Variants in ETV5 observed in about 807,000 individuals in gnomAD.
ETV5 encodes ETS variant transcription factor 5.
A neutral mutation model predicts 70.0 loss-of-function variants in ETV5; 10 were observed. The observed-to-expected ratio is 0.14, with a 90% confidence interval of 0.09 to 0.24. The LOEUF (loss-of-function observed/expected upper bound fraction) is 0.24. Ranked by LOEUF, ETV5 falls within the 10% of genes least tolerant of loss-of-function variation. The pLI is 1.00. For synonymous variants in ETV5, 216 were observed against 242.2 expected (o/e 0.89, Z 1.01); for missense variants, 453 against 651.2 (o/e 0.70, Z 3.31).
Position 186,105,946 on chromosome 3 carries a change from T to C in ETV5, c.-74-4A>G, listed in dbSNP as rs756826786. ...TTCTGGGGGAAAAGGGATCCTCCTG[T>C]AATATGAATTTGGGAGATTTTAACT... On this transcript the variant is annotated splice_polypyrimidine_tract_variant and splice_region_variant and intron_variant, in intron 1 of 12. Coordinates refer to ENST00000306376, the MANE Select transcript of ETV5 (RefSeq NM_004454.3). The surrounding 1 kb of genome is among the most constrained non-coding windows in gnomAD (Gnocchi z 4.5). The C allele has an allele frequency of 1.2e-5, 19 of 1,559,862 alleles. No individual in the cohort carries two copies. Among genetic ancestry groups the C allele is most frequent in the Non-Finnish European group, 1.7e-5 (19 of 1,144,162 alleles).
intron 5 of ETV5, among the ~76,000 whole-genome samples, chr3:186,086,636 G>A (rs919097881): frequency 1.6e-4 from 25 of 152,030 alleles, no homozygotes; most frequent in Non-Finnish European, 4.4e-5. Flanking sequence ...AAATAGCTAG[G>A]AAAGTGTCAA....
intron 5 of ETV5, among the ~76,000 whole-genome samples, chr3:186,089,700 C>A (rs1714137534): frequency 6.6e-6 from 1 of 152,126 alleles, no homozygotes; most frequent in South Asian, 2.1e-4. Flanking sequence ...CAGCGACTGG[C>A]CAAGACTTCA....
chr3:186,090,849 G>A (rs375058386), intron 5 of ETV5, among the ~76,000 whole-genome samples: 1 of 152,232 alleles, frequency 6.6e-6, no homozygotes, highest in Non-Finnish European at 1.5e-5. Flanking sequence ...GGTGGCCTAT[G>A]CTTTCGCTGC....
chr3:186,062,052 A>C (rs113152772), intron 9 of ETV5, among the ~76,000 whole-genome samples: 16 of 152,234 alleles, frequency 1.1e-4, no homozygotes, highest in African/African-American at 2.4e-5. Context: ...AGAGAACAAG[A>C]AAACACTTAG....
intron 11 of ETV5, among the ~76,000 whole-genome samples, chr3:186,056,732 A>G (rs1578537590): frequency 6.6e-6 from 1 of 152,252 alleles, no homozygotes; most frequent in African/African-American, 2.4e-5. Context: ...ACAGGGGCTA[A>G]GACCAAAACA....
intron 5 of ETV5, among the ~76,000 whole-genome samples, chr3:186,102,967 C>G (rs1001496588): frequency 4.6e-5 from 7 of 152,126 alleles, no homozygotes; most frequent in Non-Finnish European, 1.0e-4. Flanking sequence ...AAAGATGCAC[C>G]ACCCACATTT....
At position 186,064,420 on chromosome 3, in the gene ETV5, C is replaced by T. The variant is rs199656132; in HGVS notation, c.967G>A (p.Glu323Lys). Residue 323 changes from glutamate (E) to lysine (K), a missense_variant, in exon 9 of 13, where the codon GAA becomes AAA. Transcript: ENST00000306376. ...MRGGYFSSSH[E>K]GFSYEKDPRL... ...GAAAGAAAAGCAGGTTCCTTACCTT[C>T]ATGGCTGCTGGAGAAATAACCCCCT... 8.7e-6 allele frequency: 14 copies of T among 1,614,030 alleles called. No homozygotes were observed. Among genetic ancestry groups the T allele is most frequent in the Non-Finnish European group, 2.5e-6 (3 of 1,180,004 alleles).
Position 186,080,939 on chromosome 3 carries a change from A to G in ETV5, c.362+107T>C, listed in dbSNP as rs113586704. On this transcript the variant is annotated intron_variant, in intron 6 of 12. Coordinates refer to ENST00000306376, the MANE Select transcript of ETV5 (RefSeq NM_004454.3). ...CTGCCATGAAAGAAGGATATGTTTT[A>G]CCACAGGGTCTGCTGGGTAAGTAAC... 0.034 allele frequency: 45,664 copies of G among 1,352,070 alleles called. 908 individuals are homozygous for G. The highest frequency in any genetic ancestry group is 0.073 in the African/African-American group (5,021 of 68,472). 83.8% of individuals were successfully genotyped at this position (1,352,070 alleles called of 1,614,324 possible).
At chr3:186,081,300 G>C in intron 5 of ETV5, 125 bp from the exon 6 acceptor site, 1 of 963,702 alleles carries the variant, frequency 1.0e-6, no homozygotes, top group South Asian at 2.3e-5. Flanking sequence ...CAAGTCACAT[G>C]TCAGAAAAAG....
rs1299211052 is a variant in ETV5, at chr3:186,052,360, C to G, written c.1210-229G>C. Reference sequence around the variant, plus strand: ...ACCTAGAGATGGAAGAATCCTAGCACTTTAAGATTGCAGAGGGCTTGGCTA... The same window carrying G: ...ACCTAGAGATGGAAGAATCCTAGCAGTTTAAGATTGCAGAGGGCTTGGCTA... On this transcript the variant is annotated intron_variant, in intron 11 of 12. Transcript: ENST00000306376. The surrounding 1 kb of genome is among the most constrained non-coding windows in gnomAD (Gnocchi z 4.5). Among the ~76,000 whole-genome samples, 1 of 152,180 alleles carries G rather than the reference C, an allele frequency of 6.6e-6. No individual in the cohort carries two copies. Among genetic ancestry groups the G allele is most frequent in the Admixed American group, 6.5e-5 (1 of 15,278 alleles).
At chr3:186,093,462 C>T (rs1196667502) in intron 5 of ETV5, among the ~76,000 whole-genome samples, 1 of 152,162 alleles carries the variant, frequency 6.6e-6, no homozygotes, top group African/African-American at 2.4e-5. Context: ...AAACAATTGC[C>T]TCCTTCCCAT....
intron 5 of ETV5, among the ~76,000 whole-genome samples, chr3:186,081,787 A>C (rs1225665130): frequency 1.3e-5 from 2 of 152,242 alleles, no homozygotes; most frequent in African/African-American, 4.8e-5. Context: ...ACCACCTAGG[A>C]AAGGCTAATG....
chr3:186,101,656 T>C (rs1578562912), intron 5 of ETV5, among the ~76,000 whole-genome samples: 1 of 152,156 alleles, frequency 6.6e-6, no homozygotes, highest in African/African-American at 2.4e-5. Context: ...CTGAATACAC[T>C]TGAATATGCC....
Position 186,105,219 on chromosome 3 carries a change from T to C in ETV5, c.232+86A>G. On this transcript the variant is annotated intron_variant, in intron 5 of 12. Coordinates refer to ENST00000306376, the MANE Select transcript of ETV5 (RefSeq NM_004454.3). The surrounding 1 kb of genome is among the most constrained non-coding windows in gnomAD (Gnocchi z 4.5). ...GCATACTACTGTCTAAATCTGGCCATAGCTGAAAAAAGCATATTCTAGACA... is the reference window on the plus strand; with the variant it reads ...GCATACTACTGTCTAAATCTGGCCACAGCTGAAAAAAGCATATTCTAGACA... The C allele has an allele frequency of 8.8e-7, 1 of 1,139,334 alleles. No individual in the cohort carries two copies. 70.6% of individuals were successfully genotyped at this position (1,139,334 alleles called of 1,614,324 possible).
intron 5 of ETV5, among the ~76,000 whole-genome samples, chr3:186,096,835 G>A (rs1301614055): frequency 1.3e-5 from 2 of 152,144 alleles, no homozygotes; most frequent in East Asian, 1.9e-4. Context: ...AACACTGGAC[G>A]TGTGTCTGTG....
chr3:186,088,156 A>G (rs138866816), intron 5 of ETV5, among the ~76,000 whole-genome samples: 1 of 152,084 alleles, frequency 6.6e-6, no homozygotes, highest in African/African-American at 2.4e-5. Context: ...GCCCAGACTC[A>G]TCTTTCCCAA....
chr3:186,076,475 G>A (rs1465921196), intron 7 of ETV5: 9 of 184,338 alleles, frequency 4.9e-5, no homozygotes, highest in African/African-American at 1.9e-4. Flanking sequence ...ACTTAGTGTG[G>A]ACACCTGATA....
At position 186,048,175 on chromosome 3, in the gene ETV5, T is replaced by C; in HGVS notation, c.*464A>G. 1 of 244,728 alleles carries C rather than the reference T, an allele frequency of 4.1e-6. No homozygotes were observed. Among genetic ancestry groups the C allele is most frequent in the African/African-American group, 2.2e-5 (1 of 45,574 alleles). 15.2% of individuals were successfully genotyped at this position (244,728 alleles called of 1,614,324 possible). A position where few individuals can be genotyped will look rare whatever the true frequency, so the allele number is the denominator to read the frequency against. ...AAGATGTATTTTTAACCCTTAATGG[T>C]TTGAGCCTCCCCAACTTAGCCTACT... On this transcript the variant is annotated 3_prime_UTR_variant, in exon 13 of 13. Coordinates refer to ENST00000306376, the MANE Select transcript of ETV5 (RefSeq NM_004454.3).
At chr3:186,074,203 T>A (rs896136666) in intron 7 of ETV5, among the ~76,000 whole-genome samples, 6 of 152,132 alleles carry the variant, frequency 3.9e-5, no homozygotes, top group African/African-American at 1.2e-4. Context: ...TGAATAACTT[T>A]ATGTCAATTA....
Sources: allele counts gnomAD v4.1 joint callset (sites outside exome capture counted in the v4.1 genomes callset), GRCh38; gene constraint gnomAD v4.1.1; non-coding constraint Gnocchi (gnomAD v3.1); transcripts MANE v1.5; gene names NCBI Gene and HGNC (gene_info 2026-07-23, HGNC 2026-07-21).